The following CACNA2D3 variants were observed in gnomAD, a reference collection of about 807,000 sequenced individuals.
The protein encoded by CACNA2D3 is calcium voltage-gated channel auxiliary subunit alpha2delta 3.
Under a neutral mutation model 160.6 loss-of-function variants are expected in CACNA2D3, and 60 were observed. The ratio of observed to expected loss-of-function variants is 0.37; its 90% CI spans 0.30 to 0.46. The LOEUF is 0.46. Among genes scored for constraint, CACNA2D3 ranks in the 20% least tolerant of loss-of-function variants. CACNA2D3 has a pLI of 1.00. For missense variants in CACNA2D3, 1,205 were observed against 1,365.0 expected (o/e 0.88, Z 1.85); for synonymous variants, 558 against 492.9 (o/e 1.13, Z -1.75).
intron 11 of CACNA2D3, among the ~76,000 whole-genome samples, chr3:54,752,150 T>G (rs1227311155): frequency 1.3e-5 from 2 of 152,086 alleles, no homozygotes; most frequent in Non-Finnish European, 2.9e-5. Flanking sequence ...GGTAAGAGAG[T>G]GTCTGCAGCC....
intron 3 of CACNA2D3, among the ~76,000 whole-genome samples, chr3:54,373,267 T>C (rs1698956697): frequency 6.6e-6 from 1 of 152,180 alleles, no homozygotes; most frequent in Admixed American, 6.5e-5. Context: ...TTGATTTCAT[T>C]TGGAATAAGC....
At chr3:54,139,366 C>CA (rs978629973) in intron 2 of CACNA2D3, among the ~76,000 whole-genome samples, 54 of 152,378 alleles carry the variant, frequency 3.5e-4, no homozygotes, top group African/African-American at 1.2e-3. Context: ...TCAGCAGACT[C>CA]ACGCCTGCCC....
At chr3:54,942,731 TA>T (rs1559639191) in intron 27 of CACNA2D3, among the ~76,000 whole-genome samples, 1 of 150,932 alleles carries the variant, frequency 6.6e-6, no homozygotes, top group African/African-American at 2.4e-5. Flanking sequence ...TCTAAAAAAA[TA>T]AAAAAAATTA....
intron 4 of CACNA2D3, among the ~76,000 whole-genome samples, chr3:54,412,105 G>A (rs1470260785): frequency 6.6e-6 from 1 of 152,060 alleles, no homozygotes; most frequent in Non-Finnish European, 1.5e-5. Flanking sequence ...ATAGTACGTA[G>A]TCTTTTGTGT....
At chr3:54,406,593 G>C (rs1325440259) in intron 4 of CACNA2D3, among the ~76,000 whole-genome samples, 1 of 151,044 alleles carries the variant, frequency 6.6e-6, no homozygotes, top group Non-Finnish European at 1.5e-5. Flanking sequence ...ACTTATGTGT[G>C]GAATCTAAAA....
At chr3:54,342,165 TATA>T (rs1290998754) in intron 3 of CACNA2D3, among the ~76,000 whole-genome samples, 2 of 152,218 alleles carry the variant, frequency 1.3e-5, no homozygotes, top group Non-Finnish European at 2.9e-5. Flanking sequence ...ATAGCAGTAG[TATA>T]ATATTACTGT....
rs1491160047 is a variant in CACNA2D3, at chr3:54,822,790, C to CTTTCTTTCTTTCTTTT, written c.1398+5920_1398+5921insTTTCTTTCTTTCTTTT. Among the ~76,000 whole-genome samples the CTTTCTTTCTTTCTTTT allele has an allele frequency of 1.2e-3, 84 of 71,954 alleles. 2 individuals carry two copies. Among genetic ancestry groups the CTTTCTTTCTTTCTTTT allele is most frequent in the East Asian group, 2.8e-3 (6 of 2,158 alleles). 47.2% of individuals were successfully genotyped at this position (71,954 alleles called of 152,430 possible). On this transcript the variant is annotated intron_variant, in intron 14 of 37. Coordinates refer to ENST00000474759, the MANE Select transcript of CACNA2D3 (RefSeq NM_018398.3). Reference sequence around the variant, plus strand: ...TCTTTCTTTCTTTCTTTCTTTCTTTCCTTTCTTTCTTTCTTTCTTTCTTTC... The same window carrying CTTTCTTTCTTTCTTTT: ...TCTTTCTTTCTTTCTTTCTTTCTTTCTTTCTTTCTTTCTTTTCTTTCTTTCTTTCTTTCTTTCTTTC...
At chr3:54,349,263 G>T (rs35748372) in intron 3 of CACNA2D3, among the ~76,000 whole-genome samples, 14,493 of 152,098 alleles carry the variant, frequency 0.095, 816 homozygotes, top group East Asian at 0.17. Context: ...AGCAAGAGGC[G>T]CCCACACACC....
intron 27 of CACNA2D3, among the ~76,000 whole-genome samples, chr3:54,962,933 A>G (rs923490287): frequency 6.6e-6 from 1 of 152,100 alleles, no homozygotes; most frequent in African/African-American, 2.4e-5. Flanking sequence ...GATATGAGAA[A>G]AGTTGTTTTA....
chr3:54,281,037 G>A (rs1702868120), intron 2 of CACNA2D3, among the ~76,000 whole-genome samples: 1 of 152,182 alleles, frequency 6.6e-6, no homozygotes, highest in Non-Finnish European at 1.5e-5. Context: ...CACCCTAGAG[G>A]CTGGCACACT....
At chr3:54,553,560 A>G (rs985262183) in intron 5 of CACNA2D3, among the ~76,000 whole-genome samples, 1 of 152,194 alleles carries the variant, frequency 6.6e-6, no homozygotes, top group Non-Finnish European at 1.5e-5. Flanking sequence ...GTTGATTCTG[A>G]GCTGAGTCCC....
rs368603420 is a variant in CACNA2D3, at chr3:54,682,674, T to C, written c.1167+40433T>C. On this transcript the variant is annotated intron_variant, in intron 11 of 37. Transcript: ENST00000474759. Reference sequence around the variant, plus strand: ...GAATTACAAGTTCAAAAAGTGAGTATAGTGAATGCCTTCAGAATGGCCTTT... The same window carrying C: ...GAATTACAAGTTCAAAAAGTGAGTACAGTGAATGCCTTCAGAATGGCCTTT... 1.1e-3 allele frequency among the ~76,000 whole-genome samples: 172 copies of C among 152,242 alleles called. 3 individuals carry two copies. In the South Asian group the frequency reaches 0.035, roughly 31 times the overall value.
intron 9 of CACNA2D3, among the ~76,000 whole-genome samples, chr3:54,616,385 A>G (rs1391125332): frequency 6.6e-6 from 1 of 152,244 alleles, no homozygotes; most frequent in Non-Finnish European, 1.5e-5. Context: ...GGCTGCTTCC[A>G]GCAAAGCAGT....
intron 11 of CACNA2D3, among the ~76,000 whole-genome samples, chr3:54,711,903 C>T (rs532691077): frequency 6.6e-6 from 1 of 152,270 alleles, no homozygotes; most frequent in South Asian, 2.1e-4. Flanking sequence ...TCTTCCTCCC[C>T]TCCCTCCCTT....
chr3:54,289,139 A>G (rs1190176492), intron 2 of CACNA2D3, among the ~76,000 whole-genome samples: 1 of 152,202 alleles, frequency 6.6e-6, no homozygotes, highest in Non-Finnish European at 1.5e-5. Flanking sequence ...AGACGACATG[A>G]TTGTATATCT....
chr3:54,416,674 A>G (rs1300201767), intron 4 of CACNA2D3, among the ~76,000 whole-genome samples: 2 of 152,334 alleles, frequency 1.3e-5, no homozygotes, highest in East Asian at 3.9e-4. Context: ...ACAGGAGACC[A>G]TTAGTGAAAC....
At chr3:54,159,349 A>G (rs558458082) in intron 2 of CACNA2D3, among the ~76,000 whole-genome samples, 2 of 152,078 alleles carry the variant, frequency 1.3e-5, no homozygotes, top group African/African-American at 2.4e-5. Context: ...GGTATGTACA[A>G]TTTTAGGTGC....
chr3:54,987,539 CTG>C, intron 30 of CACNA2D3, 142 bp from the exon 31 acceptor site: 4 of 554,232 alleles, frequency 7.2e-6, no homozygotes, highest in Non-Finnish European at 1.3e-5. Flanking sequence ...GTTCTCATGA[CTG>C]TTAAAACCTT....
At chr3:54,640,111 CT>C (rs1253013509) in intron 10 of CACNA2D3, among the ~76,000 whole-genome samples, 2 of 152,162 alleles carry the variant, frequency 1.3e-5, no homozygotes, top group African/African-American at 4.8e-5. Context: ...ATATTCACTT[CT>C]TTTGTGATTC....
Sources: gnomAD v4.1 joint callset for allele counts (sites outside exome capture counted in the v4.1 genomes callset) on GRCh38, gnomAD v4.1.1 for gene constraint, MANE v1.5 for transcripts, NCBI Gene and HGNC (gene_info 2026-07-23, HGNC 2026-07-21) for gene names.